The following POLR1A variants were observed in gnomAD, a reference collection of about 807,000 sequenced individuals.
POLR1A encodes RNA polymerase I subunit A.
Under a neutral mutation model 205.3 loss-of-function variants are expected in POLR1A, and 84 were observed. The ratio of observed to expected loss-of-function variants is 0.41; its 90% confidence interval spans 0.34 to 0.49. The LOEUF is 0.49. POLR1A is among the 20% of genes least tolerant of loss of function. The pLI, the probability that POLR1A is intolerant of heterozygous loss-of-function variation, is 0.22. For missense variants in POLR1A, 1,645 were observed against 2,204.5 expected, an observed-to-expected ratio of 0.75 and a Z score of 5.08; for synonymous variants, 799 against 863.7, an observed-to-expected ratio of 0.93 and a Z score of 1.31.
chr2:86,064,236 G>T (rs1232365690), intron 14 of POLR1A, among the ~76,000 whole-genome samples: 1 of 152,114 alleles, frequency 6.6e-6, no homozygotes, highest in African/African-American at 2.4e-5. Context: ...GGTTAGTCTG[G>T]TTTCAAAGAG....
intron 23 of POLR1A, 34 bp from the exon 24 acceptor site, chr2:86,042,137 G>A (rs754833391): frequency 1.4e-6 from 2 of 1,459,550 alleles, no homozygotes; most frequent in South Asian, 2.3e-5. Flanking sequence ...CTATGTGGGA[G>A]GGATACCCAG....
At chr2:86,077,740 C>A in intron 11 of POLR1A, 119 bp downstream of exon 11, 1 of 1,205,392 alleles carries the variant, frequency 8.3e-7, no homozygotes, top group Non-Finnish European at 1.2e-6. Context: ...TGCTGCACAT[C>A]CTGTCCCCAG....
rs1673333512 is a variant in POLR1A at position 86,078,260 on chromosome 2, C to G, written c.1111G>C (p.Asp371His). The change falls in exon 10 of 34, where the codon GAC (aspartate) becomes CAC (histidine). Residue 371 changes from aspartate (D) to histidine (H), a missense_variant. Asp to His is a moderately conservative substitution (Grantham distance 81, BLOSUM62 -1). This residue lies in a region of POLR1A where 78 missense variants were observed against 77.7 expected (regional missense o/e 1.00). Transcript: ENST00000263857. ...DEEKDSLIAI[D>H]RSFLSTLPGQ... ...GGAAGTGTACTCAAAAAGGATCGGT[C>G]AATAGCAATCAAAGAGTCTTTTTCC... The G allele has an allele frequency of 7.6e-6, 12 of 1,578,254 alleles. No homozygotes were observed. The highest frequency in any genetic ancestry group is 1.4e-5 in the African/African-American group (1 of 72,786).
At chr2:86,082,298 C>T (rs34669947) in intron 7 of POLR1A, among the ~76,000 whole-genome samples, 3,804 of 152,174 alleles carry the variant, frequency 0.025, 89 homozygotes, top group Non-Finnish European at 0.036. Flanking sequence ...TTTAATCACC[C>T]TCCTGGACTA....
chr2:86,072,712 C>T (rs960300191), intron 12 of POLR1A, among the ~76,000 whole-genome samples: 16 of 152,246 alleles, frequency 1.1e-4, no homozygotes, highest in African/African-American at 3.4e-4. Flanking sequence ...CTTGGCTCTC[C>T]GGGCCATTTC....
intron 14 of POLR1A, among the ~76,000 whole-genome samples, chr2:86,061,267 A>G (rs1024963454): frequency 1.3e-5 from 2 of 152,150 alleles, no homozygotes; most frequent in African/African-American, 4.8e-5. Context: ...TCTAACATGG[A>G]AAAACGCTGT....
At chr2:86,035,332 T>C (rs1672475606) in intron 27 of POLR1A, among the ~76,000 whole-genome samples, 1 of 152,166 alleles carries the variant, frequency 6.6e-6, no homozygotes, top group African/African-American at 2.4e-5. Flanking sequence ...TTTAGAAAGA[T>C]ACAATCCCAC....
chr2:86,102,596 T>C (rs1312335480), intron 1 of POLR1A, among the ~76,000 whole-genome samples: 1 of 152,240 alleles, frequency 6.6e-6, no homozygotes, highest in Non-Finnish European at 1.5e-5. Context: ...GACTGTATCC[T>C]TTGATAACTA....
intron 6 of POLR1A, among the ~76,000 whole-genome samples, chr2:86,088,315 C>A (rs996973533): frequency 6.6e-6 from 1 of 152,224 alleles, no homozygotes; most frequent in Non-Finnish European, 1.5e-5. Flanking sequence ...AAAACGACCA[C>A]CTAAGGCAAG....
chr2:86,069,494 A>G (rs762840393), intron 13 of POLR1A, among the ~76,000 whole-genome samples: 1 of 152,180 alleles, frequency 6.6e-6, no homozygotes, highest in Non-Finnish European at 1.5e-5. Context: ...AGCTGTGACC[A>G]CAAGGGGTTG....
intron 3 of POLR1A, among the ~76,000 whole-genome samples, chr2:86,092,553 A>G (rs961022252): frequency 5.3e-5 from 8 of 152,214 alleles, no homozygotes; most frequent in Non-Finnish European, 1.2e-4. Context: ...GGCTGGGCAC[A>G]GTGGCTCATG....
At chr2:86,071,865 T>C (rs1260843071) in intron 12 of POLR1A, among the ~76,000 whole-genome samples, 1 of 152,222 alleles carries the variant, frequency 6.6e-6, no homozygotes, top group Non-Finnish European at 1.5e-5. Flanking sequence ...CCATGCATCC[T>C]GAAGGGCTCC....
chr2:86,063,177 A>C (rs1673026285), intron 14 of POLR1A, among the ~76,000 whole-genome samples: 1 of 151,894 alleles, frequency 6.6e-6, no homozygotes, highest in Admixed American at 6.6e-5. Context: ...CTCTACTAAA[A>C]ATACAAAATT....
chr2:86,039,676 C>G (rs970642485), intron 25 of POLR1A, among the ~76,000 whole-genome samples: 1 of 152,228 alleles, frequency 6.6e-6, no homozygotes, highest in Non-Finnish European at 1.5e-5. Flanking sequence ...GGGCCCACTC[C>G]TTGTGCTCAG....
chr2:86,027,463 C>A lies in POLR1A; in HGVS notation c.5123G>T (p.Gly1708Val), dbSNP rs1257459750. 1 of 1,614,224 alleles carries A rather than the reference C, an allele frequency of 6.2e-7. No individual in the cohort carries two copies. Among genetic ancestry groups the A allele is most frequent in the Non-Finnish European group, 8.5e-7 (1 of 1,180,038 alleles). ...CTTGAGCTCGAACAGGCCTGTCCCG[C>A]CCCTGACGACCTTCCCGACCACAAG... is the stretch of plus-strand genomic sequence containing the variant. ...ACLVVGKVVR[G>V]GTGLFELKQP... Residue 1708 changes from glycine (G) to valine (V), a missense_variant, in exon 34 of 34, where the codon GGC becomes GTC. Around this residue, in one of 16 missense-constraint regions of POLR1A, gnomAD observed 86 missense variants for 149.8 expected, o/e 0.57. Transcript: ENST00000263857.
chr2:86,059,288 T>C (rs1267793669), intron 14 of POLR1A, among the ~76,000 whole-genome samples: 2 of 151,906 alleles, frequency 1.3e-5, no homozygotes, highest in Non-Finnish European at 2.9e-5. Context: ...ATATTTAGAG[T>C]GTGTTAGTGT....
chr2:86,079,910 T>C (rs1673365186), intron 9 of POLR1A, among the ~76,000 whole-genome samples: 1 of 152,208 alleles, frequency 6.6e-6, no homozygotes, highest in Non-Finnish European at 1.5e-5. Context: ...TGGGTACAGT[T>C]ATCCCATGGT....
intron 8 of POLR1A, 42 bp downstream of exon 8, chr2:86,081,559 A>G (rs1231610630): frequency 2.3e-6 from 3 of 1,277,524 alleles, no homozygotes; most frequent in Non-Finnish European, 3.4e-6. Context: ...GTTCCTTAGT[A>G]CGCTTTTTTT....
rs115445993 is a variant in POLR1A at position 86,044,399 on chromosome 2, G to A, written c.2970-95C>T. 1.6e-3 allele frequency: 2,240 copies of A among 1,358,488 alleles called. 24 individuals are homozygous for A. In the African/African-American group the frequency reaches 0.026, roughly 16 times the overall value. The allele number at this position is 1,358,488 out of a possible 1,614,324, so 84.2% of individuals were successfully genotyped here. A position where few individuals can be genotyped will look rare whatever the true frequency, so the allele number is the denominator to read the frequency against. Reference sequence around the variant, plus strand: ...GGGGGCAGTGGAGGGGAGGGAAAGGGGGGCTCCTGTTCTGCAGGCAAACAA... The same window carrying A: ...GGGGGCAGTGGAGGGGAGGGAAAGGAGGGCTCCTGTTCTGCAGGCAAACAA... On this transcript the variant is annotated intron_variant, in intron 21 of 33. Coordinates refer to ENST00000263857, the MANE Select transcript of POLR1A (RefSeq NM_015425.6).
Sources: gnomAD v4.1 joint callset for allele counts (sites outside exome capture counted in the v4.1 genomes callset) on GRCh38, gnomAD v4.1.1 for gene constraint, gnomAD v4.1.1 regional missense constraint, MANE v1.5 for transcripts, NCBI Gene and HGNC (gene_info 2026-07-23, HGNC 2026-07-21) for gene names.